Variants in ROBO1 observed in about 807,000 individuals in gnomAD.
The protein encoded by ROBO1 is roundabout homolog 1.
Under a neutral mutation model 195.9 loss-of-function variants are expected in ROBO1, and 149 were observed. That is an observed-to-expected ratio of 0.76 (90% CI 0.67 to 0.87). The LOEUF (loss-of-function observed/expected upper bound fraction) is 0.87. Ranked by LOEUF, ROBO1 falls within the 40% of genes least tolerant of loss-of-function variation. The pLI is 0.00. For synonymous variants in ROBO1, 816 were observed against 733.2 expected (o/e 1.11, Z -1.82); for missense variants, 1,933 against 2,068.3 (o/e 0.93, Z 1.27).
intron 3 of ROBO1, among the ~76,000 whole-genome samples, chr3:79,043,543 T>C (rs1447004694): frequency 2.0e-5 from 3 of 152,026 alleles, no homozygotes; most frequent in Non-Finnish European, 4.4e-5. Context: ...AATGACATCA[T>C]ATAGATTTTT....
At chr3:79,693,763 A>G (rs189735435) in intron 1 of ROBO1, among the ~76,000 whole-genome samples, 1 of 151,716 alleles carries the variant, frequency 6.6e-6, no homozygotes, top group Admixed American at 6.6e-5. Context: ...ATGAGGACAC[A>G]AATCTAAGAT....
chr3:79,749,785 G>A (rs1208999041), intron 1 of ROBO1, among the ~76,000 whole-genome samples: 3 of 152,196 alleles, frequency 2.0e-5, no homozygotes, highest in Non-Finnish European at 2.9e-5. Context: ...GAGGATATAT[G>A]GAAATGCCTG....
At chr3:78,776,290 C>T (rs564819327) in intron 4 of ROBO1, among the ~76,000 whole-genome samples, 190 of 152,254 alleles carry the variant, frequency 1.2e-3, no homozygotes, top group African/African-American at 4.5e-3. Flanking sequence ...TTTGCTCTTT[C>T]ACCCAGGCTG....
intron 1 of ROBO1, among the ~76,000 whole-genome samples, chr3:79,670,512 C>T: frequency 6.6e-6 from 1 of 151,798 alleles, no homozygotes; most frequent in East Asian, 1.9e-4. Flanking sequence ...CTAAACTTTA[C>T]CTTTAACACA....
intron 3 of ROBO1, among the ~76,000 whole-genome samples, chr3:79,006,634 C>T (rs1180224843): frequency 1.3e-5 from 2 of 151,848 alleles, no homozygotes; most frequent in African/African-American, 2.4e-5. Flanking sequence ...AGTATGTCTA[C>T]ATTGAGGCTG....
At chr3:79,371,462 T>C (rs1577033387) in intron 2 of ROBO1, among the ~76,000 whole-genome samples, 4 of 152,084 alleles carry the variant, frequency 2.6e-5, no homozygotes, top group Non-Finnish European at 4.4e-5. Flanking sequence ...ATTTACGTAG[T>C]AGATGGAAAG....
At chr3:78,780,902 A>T (rs1447334572) in intron 4 of ROBO1, among the ~76,000 whole-genome samples, 1 of 151,912 alleles carries the variant, frequency 6.6e-6, no homozygotes, top group Non-Finnish European at 1.5e-5. Flanking sequence ...TATGTGGAAT[A>T]TTGTTCCTGA....
intron 3 of ROBO1, among the ~76,000 whole-genome samples, chr3:79,067,934 T>G (rs1160983810): frequency 6.6e-6 from 1 of 151,908 alleles, no homozygotes; most frequent in East Asian, 2.0e-4. Context: ...TGATTCCTCC[T>G]CACTGGCTGT....
chr3:78,758,452 G>A (rs1213637573), intron 4 of ROBO1, among the ~76,000 whole-genome samples: 1 of 148,026 alleles, frequency 6.8e-6, no homozygotes. Flanking sequence ...TGAGCCCAGA[G>A]GTCAAGAAGG....
intron 3 of ROBO1, among the ~76,000 whole-genome samples, chr3:78,954,550 C>A (rs1021750924): frequency 6.6e-6 from 1 of 151,962 alleles, no homozygotes. Flanking sequence ...ACCAATCAGA[C>A]GTTTGAAATG....
At chr3:79,458,766 A>G (rs1575852807) in intron 2 of ROBO1, among the ~76,000 whole-genome samples, 1 of 152,266 alleles carries the variant, frequency 6.6e-6, no homozygotes, top group East Asian at 1.9e-4. Flanking sequence ...AAATGTTAAT[A>G]CTTTTTAGCA....
At chr3:79,501,278 C>T (rs1398130873) in intron 2 of ROBO1, among the ~76,000 whole-genome samples, 1 of 152,172 alleles carries the variant, frequency 6.6e-6, no homozygotes, top group Non-Finnish European at 1.5e-5. Flanking sequence ...CTCTGCCCTA[C>T]AGAATTTTTA....
At chr3:79,057,450 C>T (rs761703285) in intron 3 of ROBO1, among the ~76,000 whole-genome samples, 1 of 152,022 alleles carries the variant, frequency 6.6e-6, no homozygotes, top group African/African-American at 2.4e-5. Context: ...AGACCACCCT[C>T]AGACATGGTG....
At chr3:79,043,009 A>C (rs1396776482) in intron 3 of ROBO1, among the ~76,000 whole-genome samples, 1 of 152,278 alleles carries the variant, frequency 6.6e-6, no homozygotes, top group South Asian at 2.1e-4. Context: ...GCCAAATGTA[A>C]TTCTTTTACT....
At chr3:79,297,104 A>G (rs2032636382) in intron 2 of ROBO1, among the ~76,000 whole-genome samples, 2 of 152,182 alleles carry the variant, frequency 1.3e-5, no homozygotes, top group Admixed American at 1.3e-4. Context: ...TGTAGTTGGT[A>G]TTCAGAAGAA....
At chr3:79,608,585 T>C (rs534842112) in intron 1 of ROBO1, among the ~76,000 whole-genome samples, 19 of 152,106 alleles carry the variant, frequency 1.2e-4, no homozygotes, top group African/African-American at 4.3e-4. Flanking sequence ...ATTCCTAAGA[T>C]GATACCTGCT....
chr3:79,282,239 G>A (rs1348027120), intron 2 of ROBO1, among the ~76,000 whole-genome samples: 1 of 152,134 alleles, frequency 6.6e-6, no homozygotes, highest in Admixed American at 6.5e-5. Flanking sequence ...TACTGTAAAG[G>A]TGAAGAACAG....
At chr3:79,246,790 G>A (rs1008642072) in intron 2 of ROBO1, among the ~76,000 whole-genome samples, 4 of 151,996 alleles carry the variant, frequency 2.6e-5, no homozygotes, top group African/African-American at 9.7e-5. Flanking sequence ...CATATATAAT[G>A]AGAACCTACA....
At chr3:79,206,845 G>A (rs925484836) in intron 2 of ROBO1, among the ~76,000 whole-genome samples, 14 of 152,130 alleles carry the variant, frequency 9.2e-5, no homozygotes, top group Non-Finnish European at 1.6e-4. Context: ...TTTTAACCAT[G>A]TTATAAAACT....
Sources: allele counts gnomAD v4.1 joint callset (sites outside exome capture counted in the v4.1 genomes callset), GRCh38; gene constraint gnomAD v4.1.1; transcripts MANE v1.5; gene names NCBI Gene and HGNC (gene_info 2026-07-23, HGNC 2026-07-21).